The following HTR2C variants were observed in gnomAD, a reference collection of about 807,000 sequenced individuals.
The protein encoded by HTR2C is 5-hydroxytryptamine receptor 2C.
Under a neutral mutation model 21.0 loss-of-function variants are expected in HTR2C, and 5 were observed. The observed-to-expected ratio is 0.24, with a 90% confidence interval of 0.12 to 0.50. HTR2C has a LOEUF of 0.50. Ranked by LOEUF, HTR2C falls within the 20% of genes least tolerant of loss-of-function variation. The pLI is 0.98. For synonymous variants in HTR2C, 150 were observed against 145.3 expected (o/e 1.03, Z -0.23); for missense variants, 271 against 371.2 (o/e 0.73, Z 2.22).
chrX:114,643,456 A>G (rs1556406835), intron 2 of HTR2C, among the ~76,000 whole-genome samples: 1 of 110,704 alleles, frequency 9.0e-6, no homozygotes, highest in Admixed American at 9.7e-5. Flanking sequence ...ACTATTTATG[A>G]CTATGTTGGC....
chrX:114,662,343 A>G (rs1342104871), intron 2 of HTR2C, among the ~76,000 whole-genome samples: 2 of 111,132 alleles, frequency 1.8e-5, no homozygotes, highest in Admixed American at 9.6e-5. Flanking sequence ...TCTAAACTTC[A>G]GTTAATTTCT....
intron 4 of HTR2C, among the ~76,000 whole-genome samples, chrX:114,841,720 G>A (rs1556465700): frequency 3.4e-5 from 3 of 88,117 alleles, no homozygotes; most frequent in South Asian, 7.1e-4. Flanking sequence ...CAGCCTGGGT[G>A]ACAGAGTGAG....
chrX:114,790,410 A>T (rs1463195078), intron 4 of HTR2C, among the ~76,000 whole-genome samples: 1 of 111,959 alleles, frequency 8.9e-6, no homozygotes, highest in Admixed American at 9.6e-5. Flanking sequence ...TGTTTGAAGG[A>T]AATAAAGTTT....
chrX:114,748,172 T>TA lies in HTR2C; in HGVS notation c.349+16571dup, dbSNP rs2069723809. Among the ~76,000 whole-genome samples, 3 of 111,720 alleles carry TA rather than the reference T, an allele frequency of 2.7e-5. No homozygotes were observed. The South Asian group carries it at 1.1e-3, about 41-fold the overall frequency. Reference sequence around the variant, plus strand: ...TCAAAGAGTACCATTTATAATATCATAAAAAATCATAAAATTATAAATGTA... The same window carrying TA: ...TCAAAGAGTACCATTTATAATATCATAAAAAAATCATAAAATTATAAATGTA... On this transcript the variant is annotated intron_variant, in intron 4 of 5. Coordinates refer to ENST00000276198, the MANE Select transcript of HTR2C (RefSeq NM_000868.4).
At chrX:114,834,838 T>C (rs1339072106) in intron 4 of HTR2C, among the ~76,000 whole-genome samples, 2 of 109,673 alleles carry the variant, frequency 1.8e-5, no homozygotes, top group African/African-American at 3.3e-5. Flanking sequence ...TTGCAGCGGC[T>C]GGTACCAGTT....
intron 1 of HTR2C, among the ~76,000 whole-genome samples, chrX:114,608,751 T>G (rs2081989544): frequency 8.9e-6 from 1 of 111,941 alleles, no homozygotes. Context: ...AGTACTCCTC[T>G]TAACAATAAA....
At chrX:114,635,558 T>G (rs1482337213) in intron 2 of HTR2C, among the ~76,000 whole-genome samples, 27 of 112,187 alleles carry the variant, frequency 2.4e-4, no homozygotes. Flanking sequence ...TTGAGAAAAT[T>G]ACTTCTTCAT....
intron 2 of HTR2C, among the ~76,000 whole-genome samples, chrX:114,708,813 A>G (rs1932848887): frequency 1.0e-5 from 1 of 98,228 alleles, no homozygotes; most frequent in Non-Finnish European, 2.1e-5. Flanking sequence ...CATTTTTTTT[A>G]AGTTTTATTA....
intron 5 of HTR2C, among the ~76,000 whole-genome samples, chrX:114,893,491 A>G (rs2071274356): frequency 8.9e-6 from 1 of 111,972 alleles, no homozygotes; most frequent in Non-Finnish European, 1.9e-5. Context: ...AGGCTTATGT[A>G]CAAATTGGTA....
chrX:114,628,762 A>T (rs1929492299), intron 2 of HTR2C, among the ~76,000 whole-genome samples: 1 of 111,976 alleles, frequency 8.9e-6, no homozygotes, highest in Non-Finnish European at 1.9e-5. Context: ...CAATAAAATA[A>T]AAACTTTGGC....
chrX:114,701,070 G>T (rs1932468263), intron 2 of HTR2C, among the ~76,000 whole-genome samples: 1 of 112,238 alleles, frequency 8.9e-6, no homozygotes, highest in African/African-American at 3.2e-5. Flanking sequence ...CTCGAACTGG[G>T]TGGAACCCAC....
intron 5 of HTR2C, among the ~76,000 whole-genome samples, chrX:114,892,728 A>G (rs2071267396): frequency 9.1e-6 from 1 of 109,631 alleles, no homozygotes; most frequent in Non-Finnish European, 1.9e-5. Flanking sequence ...AACATAGCTT[A>G]GAGAAATTAA....
chrX:114,632,546 A>G lies in HTR2C; in HGVS notation c.-80+18665A>G, dbSNP rs142647623. Among the ~76,000 whole-genome samples the G allele has an allele frequency of 3.4e-3, 384 of 112,249 alleles. 2 individuals are homozygous for G. The highest frequency in any genetic ancestry group is 0.012 in the African/African-American group (372 of 30,994). ...TATGTAAAACCCAGTAAAAAAGATG[A>G]CACATCTTTCCTGACAATTGGCAAG... On this transcript the variant is annotated intron_variant, in intron 2 of 5. Transcript: ENST00000276198.
At chrX:114,635,662 A>G (rs976288125) in intron 2 of HTR2C, among the ~76,000 whole-genome samples, 8 of 111,275 alleles carry the variant, frequency 7.2e-5, no homozygotes, top group Admixed American at 5.8e-4. Context: ...TGTGCAAGAC[A>G]CTCCACTAAG....
intron 4 of HTR2C, among the ~76,000 whole-genome samples, chrX:114,834,974 TG>T (rs2147475129): frequency 9.8e-6 from 1 of 101,868 alleles, no homozygotes; most frequent in South Asian, 5.0e-4. Context: ...AAGCTTAATT[TG>T]GCTGGATATG....
At chrX:114,687,246 G>C (rs373600360) in intron 2 of HTR2C, among the ~76,000 whole-genome samples, 3 of 112,446 alleles carry the variant, frequency 2.7e-5, no homozygotes, top group African/African-American at 9.7e-5. Flanking sequence ...AGTTTACACT[G>C]TTTAGAAAAC....
At chrX:114,891,171 T>G (rs1441238523) in intron 5 of HTR2C, among the ~76,000 whole-genome samples, 3 of 111,541 alleles carry the variant, frequency 2.7e-5, no homozygotes, top group African/African-American at 9.7e-5. Flanking sequence ...TTATTGATAT[T>G]GTTGTCTTTC....
chrX:114,694,547 G>A (rs1932219044), intron 2 of HTR2C, among the ~76,000 whole-genome samples: 1 of 74,092 alleles, frequency 1.3e-5, no homozygotes, highest in Non-Finnish European at 2.7e-5. Flanking sequence ...GGAGTGCAGA[G>A]GTACAATCTC....
At chrX:114,753,634 A>G (rs1373251447) in intron 4 of HTR2C, among the ~76,000 whole-genome samples, 1 of 112,106 alleles carries the variant, frequency 8.9e-6, no homozygotes, top group Non-Finnish European at 1.9e-5. Context: ...ACATTTTTAT[A>G]TTAACAATGA....
Sources: allele counts gnomAD v4.1 joint callset (sites outside exome capture counted in the v4.1 genomes callset), GRCh38; gene constraint gnomAD v4.1.1; transcripts MANE v1.5; gene names NCBI Gene and HGNC (gene_info 2026-07-23, HGNC 2026-07-21).